ANXA4: variants seen among roughly 807,000 people sequenced by gnomAD.
ANXA4 encodes the protein annexin A4, also known as 35-beta calcimedin.
In ANXA4, 39 loss-of-function variants were observed where a neutral mutation model predicts 49.8. The observed-to-expected ratio is 0.78, with a 90% CI of 0.61 to 1.02. ANXA4 has a LOEUF of 1.02. ANXA4 is among the 50% of genes least tolerant of loss of function. The pLI is 0.00. For missense variants in ANXA4, 360 were observed against 410.1 expected (o/e 0.88, Z 1.05); for synonymous variants, 134 against 152.5 (o/e 0.88, Z 0.89).
intron 1 of ANXA4, among the ~76,000 whole-genome samples, chr2:69,775,806 C>T (rs1159212094): frequency 1.3e-5 from 2 of 152,158 alleles, no homozygotes; most frequent in Non-Finnish European, 2.9e-5. Flanking sequence ...GCTATGCATG[C>T]AGGGCTCCAG....
At chr2:69,793,250 C>CAAAAAAAAAAA (rs70954360) in intron 3 of ANXA4, among the ~76,000 whole-genome samples, 10 of 128,550 alleles carry the variant, frequency 7.8e-5, no homozygotes, top group African/African-American at 3.0e-4. Flanking sequence ...GACTCCATCT[C>CAAAAAAAAAAA]AAAAAAAAAA....
chr2:69,726,176 G>A, intron 3 of ANXA4, among the ~76,000 whole-genome samples: 1 of 152,162 alleles, frequency 6.6e-6, no homozygotes, highest in Middle Eastern at 3.2e-3. Flanking sequence ...TCTCATGATA[G>A]TGGGTGAGTT....
At chr2:69,730,297 T>C (rs1670062938) in intron 3 of ANXA4, among the ~76,000 whole-genome samples, 4 of 151,994 alleles carry the variant, frequency 2.6e-5, no homozygotes, top group Admixed American at 2.6e-4. Flanking sequence ...AGGTCAGGAG[T>C]TCGAGACCAG....
chr2:69,806,297 A>G, intron 4 of ANXA4, 88 bp from the exon 5 acceptor site: 1 of 885,394 alleles, frequency 1.1e-6, no homozygotes. Flanking sequence ...AGGGTCTTGG[A>G]GACCCCAGAC....
intron 2 of ANXA4, among the ~76,000 whole-genome samples, chr2:69,671,357 G>C (rs2105341682): frequency 6.6e-6 from 1 of 152,222 alleles, no homozygotes; most frequent in East Asian, 1.9e-4. Context: ...GAACTCCTGT[G>C]AATCAATAAG....
At chr2:69,675,536 C>T (rs1677375553) in intron 2 of ANXA4, among the ~76,000 whole-genome samples, 1 of 152,188 alleles carries the variant, frequency 6.6e-6, no homozygotes, top group Non-Finnish European at 1.5e-5. Context: ...TGTCAGGCTT[C>T]TCAACTAAGA....
At chr2:69,705,615 A>G (rs1678469022) in intron 2 of ANXA4, among the ~76,000 whole-genome samples, 1 of 152,190 alleles carries the variant, frequency 6.6e-6, no homozygotes, top group African/African-American at 2.4e-5. Flanking sequence ...CGATTTTATA[A>G]TGTATTCTTA....
chr2:69,787,687 T>C (rs974727379), intron 2 of ANXA4, among the ~76,000 whole-genome samples: 1 of 152,228 alleles, frequency 6.6e-6, no homozygotes. Flanking sequence ...GCAGGAGCTG[T>C]TTCCTCTGCC....
intron 2 of ANXA4, among the ~76,000 whole-genome samples, chr2:69,781,853 T>C (rs1672213458): frequency 6.6e-6 from 1 of 152,198 alleles, no homozygotes; most frequent in Non-Finnish European, 1.5e-5. Flanking sequence ...GCAGAAGCGC[T>C]ACATGTTTAT....
intron 12 of ANXA4, among the ~76,000 whole-genome samples, chr2:69,823,847 A>G (rs1262742813): frequency 6.6e-6 from 1 of 152,230 alleles, no homozygotes; most frequent in Non-Finnish European, 1.5e-5. Context: ...GATTGAGCTT[A>G]ACAGATACTT....
At chr2:69,706,029 CTG>C (rs1425585096) in intron 2 of ANXA4, among the ~76,000 whole-genome samples, 1 of 150,924 alleles carries the variant, frequency 6.6e-6, no homozygotes, top group Non-Finnish European at 1.5e-5. Flanking sequence ...ATATATATAT[CTG>C]TGTAGTGTGA....
Position 69,818,658 on chromosome 2 carries a change from A to C in ANXA4, c.688A>C (p.Thr230Pro). The change falls in exon 10 of 13, where the codon ACA (threonine) becomes CCA (proline). Residue 230 changes from threonine to proline, a missense_variant. Physicochemically the swap from Thr to Pro is conservative, Grantham distance 38. Coordinates refer to ENST00000394295, the MANE Select transcript of ANXA4 (RefSeq NM_001153.5). Reference sequence around the variant, plus strand: ...TATTGAACAGAGTATTAAATCTGAAACATCTGGTAGCTTTGAAGATGCTCT... The same window carrying C: ...TATTGAACAGAGTATTAAATCTGAACCATCTGGTAGCTTTGAAGATGCTCT... Reference protein sequence around the residue: ...KDIEQSIKSETSGSFEDALLA... With the variant: ...KDIEQSIKSEPSGSFEDALLA... 1 of 1,610,398 alleles carries C rather than the reference A, an allele frequency of 6.2e-7. No homozygotes were observed. The highest frequency in any genetic ancestry group is 8.5e-7 in the Non-Finnish European group (1 of 1,177,950).
At chr2:69,802,984 G>A (rs1673280434) in intron 3 of ANXA4, among the ~76,000 whole-genome samples, 1 of 151,858 alleles carries the variant, frequency 6.6e-6, no homozygotes, top group Admixed American at 6.6e-5. Context: ...ATCGCCTGAG[G>A]TCAGGAGTTC....
chr2:69,808,198 G>T (rs959011181), intron 6 of ANXA4: 10 of 562,628 alleles, frequency 1.8e-5, no homozygotes, highest in Non-Finnish European at 2.2e-5. Flanking sequence ...AGGTGAAGAT[G>T]ACACTCTATT....
In ANXA4 at chr2:69,711,382, C is replaced by T. The variant is rs548165473; in HGVS notation, n.767-9392C>T. On this transcript the variant is annotated intron_variant and non_coding_transcript_variant, in intron 2 of 3. Transcript: ENST00000418066. ...TCAGCAGTAAAAATGAATAAGCTAC[C>T]GATACATGTAACAGCATAGATAAAT... Among the ~76,000 whole-genome samples the T allele has an allele frequency of 8.5e-5, 13 of 152,238 alleles. No individual in the cohort carries two copies. In the South Asian group the frequency reaches 1.7e-3, roughly 19 times the overall value.
rs549696400 is a variant in ANXA4, at chr2:69,719,295, G to A, written n.767-1479G>A. On this transcript the variant is annotated intron_variant and non_coding_transcript_variant, in intron 2 of 3. Transcript: ENST00000418066. ...TTTTTTTTTTTTTTTTTGAGGCAGG[G>A]TCTCGCTCTGCACCCAGGCTGGAGT... Among the ~76,000 whole-genome samples, 65 of 123,748 alleles carry A rather than the reference G, an allele frequency of 5.3e-4. 1 individual carries two copies. The Middle Eastern group carries it at 0.019, about 37-fold the overall frequency. The allele number at this position is 123,748 out of a possible 152,430, so 81.2% of individuals were successfully genotyped here.
intron 2 of ANXA4, among the ~76,000 whole-genome samples, chr2:69,662,696 T>C (rs1227837533): frequency 1.3e-5 from 2 of 152,118 alleles, no homozygotes; most frequent in African/African-American, 2.4e-5. Context: ...TAATCATTTA[T>C]GCAATGAAAC....
intron 8 of ANXA4, 139 bp downstream of exon 8, chr2:69,812,848 T>C (rs1250103530): frequency 5.6e-6 from 4 of 715,396 alleles, no homozygotes; most frequent in Non-Finnish European, 6.9e-6. Flanking sequence ...TTCCCACAGA[T>C]AGCCTTTAAT....
chr2:69,812,797 C>A, intron 8 of ANXA4, 88 bp downstream of exon 8: 1 of 1,126,566 alleles, frequency 8.9e-7, no homozygotes, highest in South Asian at 1.3e-5. Flanking sequence ...ACTTATATTA[C>A]AGTGTATATT....
Sources: allele counts gnomAD v4.1 joint callset (sites outside exome capture counted in the v4.1 genomes callset), GRCh38; gene constraint gnomAD v4.1.1; transcripts MANE v1.5; gene names NCBI Gene and HGNC (gene_info 2026-07-23, HGNC 2026-07-21).